DGKB: variants seen among roughly 807,000 people sequenced by gnomAD.
DGKB encodes 90 kDa diacylglycerol kinase.
DGKB carries 67 observed loss-of-function variants against 114.3 expected under a neutral mutation model. The ratio of observed to expected loss-of-function variants is 0.59; its 90% CI spans 0.48 to 0.72. The LOEUF is 0.72. Ranked by LOEUF, DGKB falls within the 30% of genes least tolerant of loss-of-function variation. DGKB has a pLI of 0.00. For synonymous variants in DGKB, 398 were observed against 323.1 expected (o/e 1.23, Z -2.49); for missense variants, 907 against 975.2 (o/e 0.93, Z 0.93).
At chr7:14,325,800 T>G (rs1335656990) in intron 23 of DGKB, among the ~76,000 whole-genome samples, 2 of 152,218 alleles carry the variant, frequency 1.3e-5, no homozygotes, top group Non-Finnish European at 2.9e-5. Context: ...GAAGGGCTAC[T>G]GGTCCACGGT....
chr7:14,855,061 A>T (rs986849608), intron 1 of DGKB, among the ~76,000 whole-genome samples: 9 of 152,292 alleles, frequency 5.9e-5, no homozygotes, highest in Middle Eastern at 3.4e-3. Context: ...GTAGGTTTCT[A>T]AAAAAAGCTA....
intron 19 of DGKB, among the ~76,000 whole-genome samples, chr7:14,577,343 T>C (rs752953028): frequency 2.0e-5 from 3 of 152,220 alleles, no homozygotes; most frequent in South Asian, 2.1e-4. Context: ...TCAGGCCAGG[T>C]GCGGTGGCTC....
At chr7:14,541,018 C>T (rs953182964) in intron 20 of DGKB, among the ~76,000 whole-genome samples, 3 of 152,096 alleles carry the variant, frequency 2.0e-5, no homozygotes, top group African/African-American at 7.2e-5. Context: ...TCTGAAGCCA[C>T]CAGACTCCTT....
chr7:14,715,545 T>TATGC (rs1828047126), intron 6 of DGKB, among the ~76,000 whole-genome samples: 1 of 152,090 alleles, frequency 6.6e-6, no homozygotes, highest in Admixed American at 6.5e-5. Flanking sequence ...CACATGCACG[T>TATGC]ATGCATGCAT....
At chr7:14,501,885 C>T (rs992355813) in intron 20 of DGKB, among the ~76,000 whole-genome samples, 2 of 151,760 alleles carry the variant, frequency 1.3e-5, no homozygotes, top group African/African-American at 4.8e-5. Flanking sequence ...TATCCTGACC[C>T]GATTTAAATA....
At chr7:14,931,984 T>A (rs1041946667) in intron 1 of DGKB, among the ~76,000 whole-genome samples, 1 of 152,156 alleles carries the variant, frequency 6.6e-6, no homozygotes, top group African/African-American at 2.4e-5. Context: ...CTCCAACAGC[T>A]GCAATCAATG....
At chr7:14,663,796 C>T (rs1337867048) in intron 13 of DGKB, among the ~76,000 whole-genome samples, 3 of 140,116 alleles carry the variant, frequency 2.1e-5, no homozygotes, top group Non-Finnish European at 3.2e-5. Flanking sequence ...TTTAACTGGG[C>T]TCCCTGGAAC....
rs1210568406 is a variant in DGKB, at chr7:14,149,002, C to T, written c.*129G>A. 1.0e-5 allele frequency: 8 copies of T among 799,040 alleles called. No homozygotes were observed. Among genetic ancestry groups the T allele is most frequent in the Non-Finnish European group, 1.6e-5 (8 of 487,632 alleles). 49.5% of individuals were successfully genotyped at this position (799,040 alleles called of 1,614,324 possible). A position where few individuals can be genotyped will look rare whatever the true frequency, so the allele number is the denominator to read the frequency against. On this transcript the variant is annotated 3_prime_UTR_variant, in exon 26 of 26. Coordinates refer to ENST00000402815, the MANE Select transcript of DGKB (RefSeq NM_001350709.2). ...GCTGAATTTTACATTAGCTTAGTAACAAAAACTGTTAAACCACTTCCATGA... is the reference window on the plus strand; with the variant it reads ...GCTGAATTTTACATTAGCTTAGTAATAAAAACTGTTAAACCACTTCCATGA...
chr7:14,583,681 T>G (rs1320021860), intron 17 of DGKB, among the ~76,000 whole-genome samples: 1 of 152,188 alleles, frequency 6.6e-6, no homozygotes, highest in East Asian at 1.9e-4. Context: ...GGAGGCAGGC[T>G]TCACCTTGTA....
chr7:14,756,448 A>G (rs1388404498), intron 3 of DGKB, among the ~76,000 whole-genome samples: 1 of 151,924 alleles, frequency 6.6e-6, no homozygotes, highest in Non-Finnish European at 1.5e-5. Context: ...GAAAAAGGGA[A>G]CGGCTTTAAA....
At chr7:14,285,564 A>G (rs1424771079) in intron 23 of DGKB, among the ~76,000 whole-genome samples, 1 of 152,230 alleles carries the variant, frequency 6.6e-6, no homozygotes, top group Non-Finnish European at 1.5e-5. Flanking sequence ...CTCACAGACT[A>G]CTTCATGGAT....
intron 12 of DGKB, among the ~76,000 whole-genome samples, chr7:14,675,127 G>T (rs1425027063): frequency 6.6e-6 from 1 of 152,046 alleles, no homozygotes; most frequent in African/African-American, 2.4e-5. Context: ...ACAAAAAACA[G>T]ATCTGAGATA....
At chr7:14,408,737 T>C (rs530532409) in intron 21 of DGKB, among the ~76,000 whole-genome samples, 41 of 152,236 alleles carry the variant, frequency 2.7e-4, no homozygotes, top group African/African-American at 8.2e-4. Context: ...GTAAATACAG[T>C]TGGCCCTTGA....
At chr7:14,755,698 A>C (rs1834772919) in intron 3 of DGKB, among the ~76,000 whole-genome samples, 1 of 152,112 alleles carries the variant, frequency 6.6e-6, no homozygotes, top group East Asian at 1.9e-4. Flanking sequence ...ATAAAGATTT[A>C]TTTCTCATCA....
intron 2 of DGKB, among the ~76,000 whole-genome samples, chr7:14,813,707 T>C (rs1843722740): frequency 6.6e-6 from 1 of 152,172 alleles, no homozygotes; most frequent in African/African-American, 2.4e-5. Context: ...GCTTTTAAGC[T>C]GTTTTGTTTT....
intron 21 of DGKB, among the ~76,000 whole-genome samples, chr7:14,394,452 A>G (rs115862358): frequency 0.013 from 1,967 of 152,222 alleles, 34 homozygotes; most frequent in African/African-American, 0.041. Flanking sequence ...TGTTGCTTAA[A>G]TATTTTTGTT....
rs367635983 is a variant in DGKB at position 14,364,263 on chromosome 7, G to A, written c.1836-18872C>T. ...TACAGACATAGCAATGAACAACCCT[G>A]AAATTCCCTTCCTTTGCCTGCAAGA... On this transcript the variant is annotated intron_variant, in intron 21 of 25. Coordinates refer to ENST00000402815, the MANE Select transcript of DGKB (RefSeq NM_001350709.2). 8.5e-5 allele frequency among the ~76,000 whole-genome samples: 13 copies of A among 152,096 alleles called. No individual in the cohort carries two copies. The East Asian group carries it at 2.3e-3, about 27-fold the overall frequency.
chr7:14,150,723 T>C (rs1235856843), intron 25 of DGKB, among the ~76,000 whole-genome samples: 1 of 152,088 alleles, frequency 6.6e-6, no homozygotes, highest in Non-Finnish European at 1.5e-5. Context: ...CTTAACTATG[T>C]AGATTGAAAA....
chr7:14,535,618 T>C (rs542235205), intron 20 of DGKB, among the ~76,000 whole-genome samples: 21 of 152,240 alleles, frequency 1.4e-4, no homozygotes, highest in Admixed American at 7.9e-4. Context: ...GACGGAGTCT[T>C]GCTCTGTCAC....
Sources: allele counts gnomAD v4.1 joint callset (sites outside exome capture counted in the v4.1 genomes callset), GRCh38; gene constraint gnomAD v4.1.1; transcripts MANE v1.5; gene names NCBI Gene and HGNC (gene_info 2026-07-23, HGNC 2026-07-21).